Variants in CSMD1 observed in about 807,000 individuals in gnomAD.
CSMD1 encodes the protein CUB and sushi domain-containing protein 1.
In CSMD1, 213 loss-of-function variants were observed where a neutral mutation model predicts 417.5. The observed-to-expected ratio is 0.51, with a 90% CI of 0.46 to 0.57. The LOEUF (loss-of-function observed/expected upper bound fraction) is 0.57, where lower values mean the gene tolerates loss of function less well. Among genes scored for constraint, CSMD1 ranks in the 20% least tolerant of loss-of-function variants. CSMD1 has a pLI of 0.00. For missense variants in CSMD1, 6,923 were observed against 4,529.7 expected, an observed-to-expected ratio of 1.53 and a Z score of -15.17; for synonymous variants, 2,862 against 1,736.8, an observed-to-expected ratio of 1.65 and a Z score of -16.11.
rs1159828495 is a variant in CSMD1, at chr8:3,306,247, C to A, written c.3950+1448G>T. Among the ~76,000 whole-genome samples the A allele has an allele frequency of 3.3e-5, 5 of 152,156 alleles. No individual in the cohort carries two copies. In the East Asian group the frequency reaches 9.7e-4, roughly 29 times the overall value. On this transcript the variant is annotated intron_variant, in intron 25 of 69. Transcript: ENST00000635120. ...GGCTTTTCTGAATAAGGACAAAAAT[C>A]ATTTGTTTATAAATATTTTTCATCC... is the stretch of plus-strand genomic sequence containing the variant.
intron 1 of CSMD1, among the ~76,000 whole-genome samples, chr8:4,970,867 G>T (rs757893411): frequency 6.6e-6 from 1 of 151,968 alleles, no homozygotes; most frequent in Non-Finnish European, 1.5e-5. Context: ...AATTTTTTCA[G>T]TATTTTATTA....
chr8:3,865,908 A>G lies in CSMD1; in HGVS notation c.819-111866T>C, dbSNP rs143266947. On this transcript the variant is annotated intron_variant, in intron 5 of 69. Coordinates refer to ENST00000635120, the MANE Select transcript of CSMD1 (RefSeq NM_033225.6). ...AGCAATATTTACAAGTAATTGTCAA[A>G]ACCACATTAATTAACTCCTCATGTT... Among the ~76,000 whole-genome samples the G allele has an allele frequency of 2.0e-5, 3 of 152,320 alleles. No individual in the cohort carries two copies. In the East Asian group the frequency reaches 5.8e-4, roughly 29 times the overall value.
intron 9 of CSMD1, among the ~76,000 whole-genome samples, chr8:3,580,562 T>C (rs1009446166): frequency 7.2e-5 from 11 of 152,180 alleles, no homozygotes; most frequent in East Asian, 1.9e-4. Context: ...AACTATATTA[T>C]TGCCAATAAC....
intron 2 of CSMD1, among the ~76,000 whole-genome samples, chr8:4,500,298 G>A (rs1802194535): frequency 6.6e-6 from 1 of 152,144 alleles, no homozygotes; most frequent in African/African-American, 2.4e-5. Flanking sequence ...CAATTTTTGT[G>A]CATAGGTTAC....
chr8:3,605,491 T>A (rs946950288), intron 8 of CSMD1, among the ~76,000 whole-genome samples: 32 of 152,162 alleles, frequency 2.1e-4, no homozygotes, highest in Admixed American at 3.3e-4. Flanking sequence ...CTACAAAAAA[T>A]TAAGATAACT....
rs73660896 is a variant in CSMD1, at chr8:4,524,877, A to G, written c.303-104812T>C. ...TGGAATTCATTCTTTTAATTTTACC[A>G]TGACTTCTAAGTATTCTTAAAAAGT... On this transcript the variant is annotated intron_variant, in intron 2 of 69. Coordinates refer to ENST00000635120, the MANE Select transcript of CSMD1 (RefSeq NM_033225.6). Among the ~76,000 whole-genome samples, 382 of 152,266 alleles carry G rather than the reference A, an allele frequency of 2.5e-3. 3 individuals carry two copies. Among genetic ancestry groups the G allele is most frequent in the African/African-American group, 8.7e-3 (363 of 41,572 alleles).
intron 1 of CSMD1, among the ~76,000 whole-genome samples, chr8:4,862,243 T>C (rs1016874291): frequency 3.3e-5 from 5 of 151,328 alleles, no homozygotes; most frequent in African/African-American, 1.2e-4. Flanking sequence ...TAGAGAGGAG[T>C]GAACGAGATG....
At chr8:4,333,566 C>A (rs1056183779) in intron 3 of CSMD1, among the ~76,000 whole-genome samples, 4 of 152,152 alleles carry the variant, frequency 2.6e-5, no homozygotes, top group African/African-American at 9.6e-5. Flanking sequence ...CCATGACATG[C>A]AATATGCGTT....
intron 5 of CSMD1, among the ~76,000 whole-genome samples, chr8:3,766,874 A>T (rs573438621): frequency 1.3e-5 from 2 of 152,294 alleles, no homozygotes; most frequent in Non-Finnish European, 2.9e-5. Flanking sequence ...CAAATTTCTT[A>T]TATCACTTGA....
At chr8:3,639,567 G>C (rs535380044) in intron 7 of CSMD1, among the ~76,000 whole-genome samples, 32 of 152,192 alleles carry the variant, frequency 2.1e-4, no homozygotes, top group African/African-American at 7.2e-4. Flanking sequence ...GCCTCAACCA[G>C]ACCATCCAGA....
At position 4,005,873 on chromosome 8, in the gene CSMD1, G is replaced by T. The variant is rs143556272; in HGVS notation, c.611-7763C>A. On this transcript the variant is annotated intron_variant, in intron 4 of 69. Coordinates refer to ENST00000635120, the MANE Select transcript of CSMD1 (RefSeq NM_033225.6). ...TTTAATTCCCTGGTCCCCATGAACA[G>T]GAGCTGGCTGCCAAAATCACTGGGA... Among the ~76,000 whole-genome samples the T allele has an allele frequency of 2.3e-4, 35 of 152,292 alleles. No homozygotes were observed. In the East Asian group the frequency reaches 6.8e-3, roughly 29 times the overall value.
At chr8:4,452,334 G>A (rs569889815) in intron 2 of CSMD1, among the ~76,000 whole-genome samples, 2 of 152,102 alleles carry the variant, frequency 1.3e-5, no homozygotes, top group Non-Finnish European at 2.9e-5. Flanking sequence ...GAAAGCAATG[G>A]CTCTAAACAA....
At chr8:4,269,334 G>A (rs1234127087) in intron 3 of CSMD1, among the ~76,000 whole-genome samples, 1 of 152,156 alleles carries the variant, frequency 6.6e-6, no homozygotes, top group East Asian at 1.9e-4. Context: ...CCAAAGTGCT[G>A]GGATTACAGG....
intron 2 of CSMD1, among the ~76,000 whole-genome samples, chr8:4,484,310 C>A (rs535066191): frequency 6.6e-6 from 1 of 151,760 alleles, no homozygotes; most frequent in African/African-American, 2.4e-5. Flanking sequence ...CTGATCATTT[C>A]TAAGTTATCT....
At position 4,322,119 on chromosome 8, in the gene CSMD1, T is replaced by C. The variant is rs561354920; in HGVS notation, c.415+97834A>G. On this transcript the variant is annotated intron_variant, in intron 3 of 69. Transcript: ENST00000635120. ...TTACATAAATACTTAATATAAAATATTGGATCATTTTATCCTCCGATTTCT... is the reference window on the plus strand; with the variant it reads ...TTACATAAATACTTAATATAAAATACTGGATCATTTTATCCTCCGATTTCT... Among the ~76,000 whole-genome samples, 192 of 152,298 alleles carry C rather than the reference T, an allele frequency of 1.3e-3. 1 individual carries two copies. Among genetic ancestry groups the C allele is most frequent in the African/African-American group, 2.5e-3 (105 of 41,576 alleles).
chr8:4,614,399 T>C lies in CSMD1; in HGVS notation c.302+22943A>G, dbSNP rs77836181. 5.7e-3 allele frequency among the ~76,000 whole-genome samples: 868 copies of C among 152,290 alleles called. 3 individuals are homozygous for C. The highest frequency in any genetic ancestry group is 0.02 in the African/African-American group (837 of 41,542). Reference sequence around the variant, plus strand: ...TGAGGTTGACAGAAAACAGTCCAGATATTAAGGTCAGAAAATCCAGCACCT... The same window carrying C: ...TGAGGTTGACAGAAAACAGTCCAGACATTAAGGTCAGAAAATCCAGCACCT... On this transcript the variant is annotated intron_variant, in intron 2 of 69. Transcript: ENST00000635120.
chr8:4,487,838 T>C (rs1293874953), intron 2 of CSMD1, among the ~76,000 whole-genome samples: 1 of 152,188 alleles, frequency 6.6e-6, no homozygotes, highest in Non-Finnish European at 1.5e-5. Context: ...GGGCTAAACA[T>C]GTCTTTATTT....
At chr8:4,777,803 G>A (rs556005756) in intron 1 of CSMD1, among the ~76,000 whole-genome samples, 1 of 152,308 alleles carries the variant, frequency 6.6e-6, no homozygotes, top group East Asian at 1.9e-4. Flanking sequence ...GACCAGGGAA[G>A]CATGTGGTGT....
chr8:4,014,164 C>T (rs1193114761), intron 4 of CSMD1, among the ~76,000 whole-genome samples: 1 of 152,102 alleles, frequency 6.6e-6, no homozygotes, highest in Admixed American at 6.5e-5. Context: ...ACTGTCATAA[C>T]ATTAGAAATG....
Sources: gnomAD v4.1 joint callset for allele counts (sites outside exome capture counted in the v4.1 genomes callset) on GRCh38, gnomAD v4.1.1 for gene constraint, MANE v1.5 for transcripts, NCBI Gene and HGNC (gene_info 2026-07-23, HGNC 2026-07-21) for gene names.